The following COL23A1 variants were observed in gnomAD, a reference collection of about 807,000 sequenced individuals.
COL23A1 encodes collagen type XXIII alpha 1 chain.
A neutral mutation model predicts 99.3 loss-of-function variants in COL23A1; 97 were observed. The ratio of observed to expected loss-of-function variants is 0.98; its 90% CI spans 0.83 to 1.16. COL23A1 has a LOEUF of 1.16. COL23A1 is among the 50% of genes most tolerant of loss of function. The probability of loss-of-function intolerance (pLI) is 0.00; values close to 1 mark genes in which losing one functional copy is unlikely to be tolerated. For missense variants in COL23A1, 762 were observed against 757.4 expected (o/e 1.01, Z -0.07); for synonymous variants, 320 against 308.2 (o/e 1.04, Z -0.40).
chr5:178,503,784 GA>G (rs1275990858), intron 2 of COL23A1, among the ~76,000 whole-genome samples: 3 of 151,984 alleles, frequency 2.0e-5, no homozygotes, highest in Admixed American at 1.3e-4. Context: ...CAAATTCTGT[GA>G]ATTTGAAATT....
intron 9 of COL23A1, 130 bp downstream of exon 9, chr5:178,263,078 T>C: frequency 3.9e-6 from 3 of 775,152 alleles, no homozygotes; most frequent in Admixed American, 1.8e-5. Context: ...CCAGGTTCAG[T>C]GTCTGGATTA....
At chr5:178,498,547 AAAG>A (rs1203428191) in intron 2 of COL23A1, among the ~76,000 whole-genome samples, 10 of 152,046 alleles carry the variant, frequency 6.6e-5, no homozygotes, top group African/African-American at 2.2e-4. Context: ...AAACAAATGA[AAAG>A]AAGGGAATAT....
At chr5:178,314,275 C>T (rs1382852118) in intron 2 of COL23A1, among the ~76,000 whole-genome samples, 3 of 152,128 alleles carry the variant, frequency 2.0e-5, no homozygotes, top group Non-Finnish European at 4.4e-5. Flanking sequence ...AACCGGGAGC[C>T]GAACAGCGCT....
intron 1 of COL23A1, among the ~76,000 whole-genome samples, chr5:178,588,315 C>T (rs1764101760): frequency 6.6e-6 from 1 of 152,162 alleles, no homozygotes; most frequent in African/African-American, 2.4e-5. Flanking sequence ...GATGCCCCTC[C>T]CTCCTAAAAT....
chr5:178,258,474 G>T (rs1189028363), intron 12 of COL23A1, among the ~76,000 whole-genome samples: 2 of 134,506 alleles, frequency 1.5e-5, no homozygotes, highest in Non-Finnish European at 3.1e-5. Flanking sequence ...TCGGCTCACT[G>T]TGAGCTCTGC....
intron 2 of COL23A1, among the ~76,000 whole-genome samples, chr5:178,455,365 C>T (rs563527847): frequency 7.9e-5 from 12 of 152,312 alleles, no homozygotes; most frequent in African/African-American, 2.4e-4. Context: ...CATGGGAGGG[C>T]TGCCCGCCTG....
At chr5:178,254,195 G>A (rs1765184165) in intron 16 of COL23A1, among the ~76,000 whole-genome samples, 1 of 152,146 alleles carries the variant, frequency 6.6e-6, no homozygotes, top group Non-Finnish European at 1.5e-5. Flanking sequence ...CCAACTCCCT[G>A]CACTCACAGG....
At position 178,384,507 on chromosome 5, in the gene COL23A1, T is replaced by C. The variant is rs1265540207; in HGVS notation, c.362-77588A>G. On this transcript the variant is annotated intron_variant, in intron 2 of 28. Coordinates refer to ENST00000390654, the MANE Select transcript of COL23A1 (RefSeq NM_173465.4). This position sits in a 1 kb window ranked among gnomAD's most constrained non-coding sequence, Gnocchi z 5.5. ...TGGAGGCCACGTGGACGGCGCTGAG[T>C]GCATCCCTCTCCAGCGGCCCACCGG... Among the ~76,000 whole-genome samples the C allele has an allele frequency of 1.3e-5, 2 of 151,948 alleles. No homozygotes were observed. The highest frequency in any genetic ancestry group is 4.8e-5 in the African/African-American group (2 of 41,364).
intron 2 of COL23A1, among the ~76,000 whole-genome samples, chr5:178,429,807 T>C (rs1766160720): frequency 6.6e-6 from 1 of 152,202 alleles, no homozygotes; most frequent in South Asian, 2.1e-4. Flanking sequence ...TCCAAGTGTC[T>C]GAGCCTCTGC....
intron 6 of COL23A1, among the ~76,000 whole-genome samples, chr5:178,269,454 C>CTCACCAAT (rs1756127800): frequency 1.3e-5 from 1 of 76,618 alleles, no homozygotes; most frequent in Admixed American, 1.3e-4. Context: ...CACCCATCCA[C>CTCACCAAT]CCATCCATCC....
At chr5:178,491,955 G>A (rs1757957341) in intron 2 of COL23A1, among the ~76,000 whole-genome samples, 1 of 152,062 alleles carries the variant, frequency 6.6e-6, no homozygotes, top group African/African-American at 2.4e-5. Context: ...GGCTGGTCTT[G>A]AACTCCTGAC....
intron 2 of COL23A1, among the ~76,000 whole-genome samples, chr5:178,339,298 T>C (rs1316077320): frequency 6.6e-6 from 1 of 152,178 alleles, no homozygotes; most frequent in Non-Finnish European, 1.5e-5. Flanking sequence ...GAATTATCTC[T>C]ACAGGGTGTG....
At chr5:178,332,235 G>T (rs1008586547) in intron 2 of COL23A1, among the ~76,000 whole-genome samples, 1 of 152,142 alleles carries the variant, frequency 6.6e-6, no homozygotes, top group Non-Finnish European at 1.5e-5. Context: ...GCTTTCCACA[G>T]CGCAAGCCCC....
chr5:178,475,796 T>C (rs1289984162), intron 2 of COL23A1, among the ~76,000 whole-genome samples: 9 of 152,210 alleles, frequency 5.9e-5, no homozygotes, highest in African/African-American at 1.4e-4. Flanking sequence ...CTTGCAGTTG[T>C]TGGACATATG....
chr5:178,255,688 G>T lies in COL23A1; in HGVS notation c.883-662C>A. 1 of 212,910 alleles carries T rather than the reference G, an allele frequency of 4.7e-6. No homozygotes were observed. Among genetic ancestry groups the T allele is most frequent in the Non-Finnish European group, 1.0e-5 (1 of 98,916 alleles). The allele number at this position is 212,910 out of a possible 1,614,324, so 13.2% of individuals were successfully genotyped here. On this transcript the variant is annotated intron_variant, in intron 15 of 28. Coordinates refer to ENST00000390654, the MANE Select transcript of COL23A1 (RefSeq NM_173465.4). This position sits in a 1 kb window ranked among gnomAD's most constrained non-coding sequence, Gnocchi z 4.2. ...TGTGCAGGCTGGAGACCCTTGCTTG[G>T]GCCTCATTTGCCAGCCCTCCCCCGT...
In COL23A1 at chr5:178,410,500, G is replaced by C. The variant is rs561972722; in HGVS notation, c.362-103581C>G. On this transcript the variant is annotated intron_variant, in intron 2 of 28. Transcript: ENST00000390654. ...CTACAAAGCTATGGTAATCAAAACA[G>C]TGGGGCATTGGCATAAGGATAGATA... Among the ~76,000 whole-genome samples the C allele has an allele frequency of 6.0e-4, 91 of 152,326 alleles. 1 individual carries two copies. The highest frequency in any genetic ancestry group is 2.1e-3 in the African/African-American group (88 of 41,576).
In COL23A1 at chr5:178,256,374, C is replaced by G; in HGVS notation, c.861G>C (p.Thr287=). 1 of 1,607,426 alleles carries G rather than the reference C, an allele frequency of 6.2e-7. No individual in the cohort carries two copies. The highest frequency in any genetic ancestry group is 8.5e-7 in the Non-Finnish European group (1 of 1,176,442). The change falls in exon 15 of 29, where the codon ACG becomes ACC. Residue 287 remains threonine (T), a synonymous_variant. Coordinates refer to ENST00000390654, the MANE Select transcript of COL23A1 (RefSeq NM_173465.4). The part of the protein sequence containing the change: ...GPKGEPGHRG[T]DGAAGPRGAP... ...TTACCCGGGGCCCTGCAGCTCCATC[C>G]GTGCCTCGGTGGCCAGGCTCCCCCT...
intron 2 of COL23A1, among the ~76,000 whole-genome samples, chr5:178,444,345 ATTAT>A (rs1359073210): frequency 2.6e-5 from 4 of 152,158 alleles, no homozygotes; most frequent in African/African-American, 9.7e-5. Context: ...AACTCTGTTG[ATTAT>A]TTCTTTCATA....
intron 2 of COL23A1, among the ~76,000 whole-genome samples, chr5:178,358,140 G>A (rs568438912): frequency 4.0e-5 from 6 of 149,610 alleles, no homozygotes; most frequent in Non-Finnish European, 8.9e-5. Context: ...CGTCTAATGT[G>A]TGTGTATGTG....
Sources: allele counts gnomAD v4.1 joint callset (sites outside exome capture counted in the v4.1 genomes callset), GRCh38; gene constraint gnomAD v4.1.1; non-coding constraint Gnocchi (gnomAD v3.1); transcripts MANE v1.5; gene names NCBI Gene and HGNC (gene_info 2026-07-23, HGNC 2026-07-21).